The following HAL variants were observed in gnomAD, a reference collection of about 807,000 sequenced individuals.
HAL encodes histidase.
A neutral mutation model predicts 81.1 loss-of-function variants in HAL; 85 were observed. The ratio of observed to expected loss-of-function variants is 1.05; its 90% CI spans 0.88 to 1.25. The LOEUF is 1.25. Ranked by LOEUF, HAL falls within the 50% of genes most tolerant of loss-of-function variation. The probability of loss-of-function intolerance (pLI) is 0.00; values close to 1 mark genes in which losing one functional copy is unlikely to be tolerated. For missense variants in HAL, 798 were observed against 836.6 expected (o/e 0.95, Z 0.57); for synonymous variants, 301 against 309.2 (o/e 0.97, Z 0.28).
Position 95,987,219 on chromosome 12 carries a change from C to T in HAL, c.904-5G>A, listed in dbSNP as rs189938038. On this transcript the variant is annotated splice_region_variant and splice_polypyrimidine_tract_variant and intron_variant, in intron 11 of 20. Coordinates refer to ENST00000261208, the MANE Select transcript of HAL (RefSeq NM_002108.4). The stretch of plus-strand genomic sequence containing the variant: ...CCCATTGATGAGTGCCAGGCCCTGT[C>T]GGGGGAGAGAGCAAAGTTTCCTACT... 228 of 1,612,940 alleles carry T rather than the reference C, an allele frequency of 1.4e-4. 1 individual carries two copies. In the East Asian group the frequency reaches 3.7e-3, roughly 26 times the overall value.
At chr12:95,993,878 T>C (rs781220462) in intron 6 of HAL, 40 bp from the exon 7 acceptor site, 4 of 1,466,374 alleles carry the variant, frequency 2.7e-6, no homozygotes, top group South Asian at 1.1e-5. Flanking sequence ...AATGCAGGGA[T>C]TTTTGTTTGT....
At position 95,976,697 on chromosome 12, in the gene HAL, A is replaced by T; in HGVS notation, c.1664T>A (p.Ile555Asn). ...GCCCTGGCAGGCTGCAAGGAGCTCG[A>T]TGGCCAGCACTGAAACAAGAAATTC... ...VIEHVEQVLA[I>N]ELLAACQGIE... Residue 555 changes from isoleucine to asparagine, a missense_variant, in exon 19 of 21, where the codon ATC (isoleucine) becomes AAC (asparagine). Physicochemically the swap from Ile to Asn is moderately radical, Grantham distance 149 (BLOSUM62 -3). Transcript: ENST00000261208. 6.2e-7 allele frequency: 1 copy of T among 1,605,052 alleles called. No individual in the cohort carries two copies. The highest frequency in any genetic ancestry group is 8.5e-7 in the Non-Finnish European group (1 of 1,171,780).
rs138401329 is a variant in HAL at position 95,984,463 on chromosome 12, G to A, written c.1207-472C>T. ...TCAAATGGTAGCTATTATCCAAGGC[G>A]GTAAAGTTCATTAAGCACGAAGGCA... On this transcript the variant is annotated intron_variant, in intron 14 of 20. Coordinates refer to ENST00000261208, the MANE Select transcript of HAL (RefSeq NM_002108.4). 4.9e-3 allele frequency among the ~76,000 whole-genome samples: 749 copies of A among 152,312 alleles called. 6 individuals carry two copies. The highest frequency in any genetic ancestry group is 0.017 in the African/African-American group (702 of 41,572).
chr12:95,976,113 G>A, intron 20 of HAL: 1 of 392,322 alleles, frequency 2.5e-6, no homozygotes, highest in Non-Finnish European at 4.8e-6. Context: ...GAATCAAAGA[G>A]GACATCTTGC....
intron 17 of HAL, among the ~76,000 whole-genome samples, chr12:95,979,307 G>A (rs1041998025): frequency 2.6e-5 from 4 of 152,178 alleles, no homozygotes; most frequent in South Asian, 2.1e-4. Context: ...GGTCAGAGGA[G>A]GTGAATTCAG....
intron 14 of HAL, among the ~76,000 whole-genome samples, chr12:95,984,776 G>GA (rs1949859074): frequency 6.6e-6 from 1 of 152,230 alleles, no homozygotes; most frequent in Admixed American, 6.5e-5. Flanking sequence ...AAATATCAGG[G>GA]AAGTCTTACA....
intron 15 of HAL, among the ~76,000 whole-genome samples, chr12:95,983,125 C>T (rs1258184227): frequency 6.6e-6 from 1 of 152,234 alleles, no homozygotes; most frequent in Admixed American, 6.5e-5. Context: ...TAGTCGCTCA[C>T]ACCTGTAATC....
At chr12:95,984,359 G>C (rs1477618627) in intron 14 of HAL, among the ~76,000 whole-genome samples, 1 of 152,336 alleles carries the variant, frequency 6.6e-6, no homozygotes, top group Non-Finnish European at 1.5e-5. Flanking sequence ...ACTTAGAAAA[G>C]AGACAATAGC....
chr12:95,987,858 G>A (rs904424982), intron 11 of HAL, among the ~76,000 whole-genome samples: 2 of 127,910 alleles, frequency 1.6e-5, no homozygotes, highest in African/African-American at 2.9e-5. Context: ...ACAAGTGTGC[G>A]CCACCATGCC....
At chr12:95,990,859 CA>C (rs1949961030) in intron 9 of HAL, among the ~76,000 whole-genome samples, 3 of 152,194 alleles carry the variant, frequency 2.0e-5, no homozygotes, top group Admixed American at 1.3e-4. Context: ...CCTGTAATCC[CA>C]GCACTTTGGG....
intron 9 of HAL, among the ~76,000 whole-genome samples, chr12:95,992,340 C>T (rs920660425): frequency 1.3e-5 from 2 of 152,192 alleles, no homozygotes; most frequent in African/African-American, 4.8e-5. Context: ...TGATATCATG[C>T]AATTTTTCTA....
At position 95,992,805 on chromosome 12, in the gene HAL, C is replaced by T. The variant is rs541743724; in HGVS notation, c.590G>A (p.Gly197Asp). 14 of 1,612,692 alleles carry T rather than the reference C, an allele frequency of 8.7e-6. No individual in the cohort carries two copies. The highest frequency in any genetic ancestry group is 2.2e-5 in the East Asian group (1 of 44,874). ...CTCAGGACTTAGTGGTTTCCCAACA[C>T]CTGCAAAACAGAATTGATGTTTTCT... The part of the protein sequence containing the change: ...QVNLVRSHSS[G>D]VGKPLSPERC... Residue 197 changes from glycine to aspartate, a missense_variant and splice_region_variant, in exon 9 of 21, where the codon GGT (glycine) becomes GAT (aspartate). Coordinates refer to ENST00000261208, the MANE Select transcript of HAL (RefSeq NM_002108.4).
chr12:95,976,513 C>T lies in HAL; in HGVS notation c.1764-15G>A. On this transcript the variant is annotated splice_polypyrimidine_tract_variant and intron_variant, in intron 19 of 20. Coordinates refer to ENST00000261208, the MANE Select transcript of HAL (RefSeq NM_002108.4). ...TTATCCAGGGCCTACAGGGAGAGCACATCCGCCCATCAGCCAAACATGAAA... is the reference window on the plus strand; with the variant it reads ...TTATCCAGGGCCTACAGGGAGAGCATATCCGCCCATCAGCCAAACATGAAA... The T allele has an allele frequency of 1.9e-6, 3 of 1,613,300 alleles. No homozygotes were observed. Among genetic ancestry groups the T allele is most frequent in the Non-Finnish European group, 1.7e-6 (2 of 1,179,208 alleles).
intron 17 of HAL, among the ~76,000 whole-genome samples, 156 bp from the exon 18 acceptor site, chr12:95,978,234 A>G (rs1418366166): frequency 1.6e-5 from 2 of 121,734 alleles, no homozygotes; most frequent in Non-Finnish European, 3.3e-5. Flanking sequence ...TGCTTTGGGA[A>G]AAGGAAGCAG....
intron 12 of HAL, 25 bp from the exon 13 acceptor site, chr12:95,986,185 T>C (rs780795962): frequency 2.4e-6 from 3 of 1,261,940 alleles, no homozygotes; most frequent in East Asian, 2.3e-5. Flanking sequence ...GGAGAAAAAG[T>C]CTGAATAATT....
chr12:95,974,246 A>C lies in HAL; in HGVS notation c.1960T>G (p.Ser654Ala), dbSNP rs762907413. Residue 654 changes from serine (S) to alanine (A), a missense_variant, in exon 21 of 21, where the codon TCT (serine) becomes GCT (alanine). Physicochemically the swap from Ser to Ala is moderately conservative, Grantham distance 99 (BLOSUM62 1). Transcript: ENST00000261208. ...LHKKSTKIPE[S>A]EDL ...GACAAAGCCCATTAAAGGTCCTCAG[A>C]CTCCGGGATTTTGGTGGATTTCTTG... The C allele has an allele frequency of 3.1e-6, 5 of 1,613,790 alleles. No individual in the cohort carries two copies. Among genetic ancestry groups the C allele is most frequent in the Non-Finnish European group, 4.2e-6 (5 of 1,179,920 alleles).
At chr12:95,988,984 C>G (rs372132429) in intron 10 of HAL, among the ~76,000 whole-genome samples, 6 of 152,050 alleles carry the variant, frequency 3.9e-5, no homozygotes, top group African/African-American at 1.4e-4. Context: ...GTGTTGGGGT[C>G]GGTCTAGGAG....
chr12:95,988,307 T>C, intron 10 of HAL, 67 bp from the exon 11 acceptor site: 2 of 841,946 alleles, frequency 2.4e-6, no homozygotes, highest in Admixed American at 1.8e-5. Flanking sequence ...CAATATCATA[T>C]GGAATCCAAT....
chr12:95,983,313 G>A (rs543949041), intron 15 of HAL, among the ~76,000 whole-genome samples: 5 of 152,184 alleles, frequency 3.3e-5, no homozygotes, highest in Admixed American at 6.5e-5. Context: ...GCTTGAACCC[G>A]TGAGGCAGAG....
Sources: allele counts gnomAD v4.1 joint callset (sites outside exome capture counted in the v4.1 genomes callset), GRCh38; gene constraint gnomAD v4.1.1; transcripts MANE v1.5; gene names NCBI Gene and HGNC (gene_info 2026-07-23, HGNC 2026-07-21).